The following SAMD4A variants were observed in gnomAD, a reference collection of about 807,000 sequenced individuals.
SAMD4A encodes the protein sterile alpha motif domain containing 4A, also known as protein Smaug homolog 1.
Under a neutral mutation model 81.3 loss-of-function variants are expected in SAMD4A, and 33 were observed. The observed-to-expected ratio is 0.41, with a 90% CI of 0.31 to 0.54. SAMD4A has a LOEUF of 0.54. Ranked by LOEUF, SAMD4A falls within the 20% of genes least tolerant of loss-of-function variation. SAMD4A has a pLI of 0.37. For synonymous variants in SAMD4A, 389 were observed against 382.1 expected (o/e 1.02, Z -0.21); for missense variants, 854 against 951.1 (o/e 0.90, Z 1.34).
At chr14:54,742,405 A>G (rs1007572588) in intron 4 of SAMD4A, among the ~76,000 whole-genome samples, 1 of 151,824 alleles carries the variant, frequency 6.6e-6, no homozygotes, top group Admixed American at 6.6e-5. Flanking sequence ...GAGGTGTGCA[A>G]CCCCCTCAGT....
chr14:54,768,654 G>A (rs1400113400), intron 8 of SAMD4A, among the ~76,000 whole-genome samples: 1 of 152,236 alleles, frequency 6.6e-6, no homozygotes, highest in Non-Finnish European at 1.5e-5. Flanking sequence ...AGTTTCAGAG[G>A]TACTCGTGTG....
At chr14:54,706,116 C>T (rs905272405) in intron 3 of SAMD4A, among the ~76,000 whole-genome samples, 6 of 150,914 alleles carry the variant, frequency 4.0e-5, no homozygotes, top group African/African-American at 7.3e-5. Context: ...GGGAGGCCAA[C>T]GTGGGAGGAT....
intron 3 of SAMD4A, among the ~76,000 whole-genome samples, chr14:54,718,578 T>TTGTTGTTGTTG (rs879283417): frequency 1.4e-3 from 211 of 152,212 alleles, no homozygotes; most frequent in African/African-American, 3.2e-3. Context: ...TGTTGTTGTT[T>TTGTTGTTGTTG]TTTCTAACTC....
At chr14:54,668,287 C>T (rs78776671) in intron 2 of SAMD4A, among the ~76,000 whole-genome samples, 2,395 of 152,310 alleles carry the variant, frequency 0.016, 50 homozygotes, top group African/African-American at 0.054. Context: ...GAGGGCCGAG[C>T]ACAAATTCTG....
chr14:54,655,585 A>T (rs1295104626), intron 2 of SAMD4A, among the ~76,000 whole-genome samples: 2 of 152,074 alleles, frequency 1.3e-5, no homozygotes, highest in Non-Finnish European at 1.5e-5. Flanking sequence ...TACAAAAAAA[A>T]AAATTAGCCG....
At chr14:54,582,252 T>C (rs2033489754) in intron 2 of SAMD4A, among the ~76,000 whole-genome samples, 1 of 152,180 alleles carries the variant, frequency 6.6e-6, no homozygotes, top group Non-Finnish European at 1.5e-5. Flanking sequence ...TGCTGTTTTT[T>C]TTTTAATTTT....
At chr14:54,636,835 G>T (rs1401098314) in intron 2 of SAMD4A, among the ~76,000 whole-genome samples, 1 of 152,070 alleles carries the variant, frequency 6.6e-6, no homozygotes, top group African/African-American at 2.4e-5. Flanking sequence ...TCAGGAATTT[G>T]GTTAAGAACA....
chr14:54,759,593 A>G (rs761628622), intron 6 of SAMD4A, among the ~76,000 whole-genome samples: 7 of 152,250 alleles, frequency 4.6e-5, no homozygotes, highest in Admixed American at 6.5e-5. Context: ...CGATATGCTC[A>G]TTTTGTACAC....
At chr14:54,768,255 CTG>C (rs2038604640) in intron 8 of SAMD4A, among the ~76,000 whole-genome samples, 1 of 152,224 alleles carries the variant, frequency 6.6e-6, no homozygotes, top group Admixed American at 6.5e-5. Flanking sequence ...AACGGCCGGT[CTG>C]TGCAGTCCAA....
chr14:54,764,630 C>A, intron 8 of SAMD4A, 90 bp downstream of exon 8: 1 of 857,066 alleles, frequency 1.2e-6, no homozygotes, highest in Non-Finnish European at 1.9e-6. Context: ...TTTTAGCCTC[C>A]AACAACTTGT....
intron 8 of SAMD4A, among the ~76,000 whole-genome samples, chr14:54,768,011 G>A (rs2038597460): frequency 6.6e-6 from 1 of 152,212 alleles, no homozygotes; most frequent in African/African-American, 2.4e-5. Context: ...CTTCTTGGAT[G>A]CTGTTTGCCA....
chr14:54,745,138 T>C (rs1309647198), intron 4 of SAMD4A, among the ~76,000 whole-genome samples: 1 of 152,204 alleles, frequency 6.6e-6, no homozygotes, highest in African/African-American at 2.4e-5. Flanking sequence ...ACTGTCACCA[T>C]CCGCCAGGCC....
At chr14:54,635,628 A>T (rs2035017476) in intron 2 of SAMD4A, among the ~76,000 whole-genome samples, 1 of 150,730 alleles carries the variant, frequency 6.6e-6, no homozygotes, top group Admixed American at 6.6e-5. Context: ...CATACCTGTA[A>T]TCCCAGCTAC....
chr14:54,786,553 A>T (rs1233122865), intron 12 of SAMD4A, among the ~76,000 whole-genome samples: 1 of 152,190 alleles, frequency 6.6e-6, no homozygotes, highest in African/African-American at 2.4e-5. Context: ...GAGCTCTGAC[A>T]TGGGGAGGGA....
intron 3 of SAMD4A, among the ~76,000 whole-genome samples, chr14:54,730,356 G>A (rs1006483950): frequency 1.3e-5 from 2 of 152,218 alleles, no homozygotes; most frequent in South Asian, 4.1e-4. Flanking sequence ...TCTTCTTCTA[G>A]AGTCTCCCTT....
chr14:54,572,894 A>G (rs2033172590), intron 2 of SAMD4A, among the ~76,000 whole-genome samples: 1 of 152,206 alleles, frequency 6.6e-6, no homozygotes, highest in Admixed American at 6.5e-5. Flanking sequence ...GATTATGAAG[A>G]AGAGATTGAG....
At chr14:54,639,471 A>C (rs1364581455) in intron 2 of SAMD4A, among the ~76,000 whole-genome samples, 1 of 152,158 alleles carries the variant, frequency 6.6e-6, no homozygotes, top group African/African-American at 2.4e-5. Flanking sequence ...TGAGGGGGGC[A>C]AAGGAGGGAG....
intron 2 of SAMD4A, among the ~76,000 whole-genome samples, chr14:54,586,531 T>C (rs776159519): frequency 1.3e-5 from 2 of 152,182 alleles, no homozygotes; most frequent in Non-Finnish European, 2.9e-5. Flanking sequence ...GTTTTTCCAA[T>C]GTTATCTTCT....
At chr14:54,681,096 G>A (rs1231925375) in intron 2 of SAMD4A, among the ~76,000 whole-genome samples, 1 of 152,208 alleles carries the variant, frequency 6.6e-6, no homozygotes, top group Non-Finnish European at 1.5e-5. Context: ...GCAAGCATCA[G>A]CTTAACCTCA....
Sources: gnomAD v4.1 joint callset for allele counts (sites outside exome capture counted in the v4.1 genomes callset) on GRCh38, gnomAD v4.1.1 for gene constraint, MANE v1.5 for transcripts, NCBI Gene and HGNC (gene_info 2026-07-23, HGNC 2026-07-21) for gene names.